RGS6: variants seen among roughly 807,000 people sequenced by gnomAD.
RGS6 encodes regulator of G protein signaling 6, also known as regulator of G-protein signaling 6.
In RGS6, 30 loss-of-function variants were observed where a neutral mutation model predicts 78.5. The ratio of observed to expected loss-of-function variants is 0.38; its 90% CI spans 0.29 to 0.52. The LOEUF (loss-of-function observed/expected upper bound fraction) is 0.52, where lower values mean the gene tolerates loss of function less well. Ranked by LOEUF, RGS6 falls within the 20% of genes least tolerant of loss-of-function variation. The pLI is 0.85. For synonymous variants in RGS6, 206 were observed against 206.0 expected (o/e 1.00, Z 0.00); for missense variants, 495 against 609.7 (o/e 0.81, Z 1.98).
At chr14:72,138,452 T>A in intron 2 of RGS6, among the ~76,000 whole-genome samples, 1 of 148,038 alleles carries the variant, frequency 6.8e-6, no homozygotes, top group South Asian at 2.2e-4. Context: ...TGTACCTGTT[T>A]TTTTTTTTTT....
chr14:72,580,231 A>G, the RGS6 span, among the ~76,000 whole-genome samples: 27 of 151,506 alleles, frequency 1.8e-4, no homozygotes, highest in African/African-American at 6.6e-4. Flanking sequence ...AGTTGCCAGC[A>G]TCCTAAATCT....
At chr14:72,593,028 C>T in the RGS6 span, among the ~76,000 whole-genome samples, 196 of 152,236 alleles carry the variant, frequency 1.3e-3, 3 homozygotes, top group Non-Finnish European at 5.1e-4. Flanking sequence ...GAGCAATCCT[C>T]AGCAAAGAAA....
chr14:72,350,656 G>T (rs1399254448), intron 2 of RGS6, among the ~76,000 whole-genome samples: 1 of 152,118 alleles, frequency 6.6e-6, no homozygotes, highest in Non-Finnish European at 1.5e-5. Flanking sequence ...CAATGAGTAG[G>T]GTTCCCTTGT....
chr14:72,539,613 CTG>C (rs2097294259), intron 16 of RGS6, among the ~76,000 whole-genome samples: 1 of 152,190 alleles, frequency 6.6e-6, no homozygotes, highest in African/African-American at 2.4e-5. Context: ...CCAGTCTGTT[CTG>C]TGTCAGGACT....
chr14:72,440,045 C>T (rs140340489), intron 3 of RGS6, among the ~76,000 whole-genome samples: 56 of 152,328 alleles, frequency 3.7e-4, no homozygotes, highest in South Asian at 2.1e-4. Context: ...TGTGGCATTT[C>T]GGGGCCCTGT....
chr14:72,071,326 G>T (rs1005278624), intron 2 of RGS6, among the ~76,000 whole-genome samples: 1 of 152,096 alleles, frequency 6.6e-6, no homozygotes, highest in African/African-American at 2.4e-5. Flanking sequence ...TCCAATTTTT[G>T]CTATTGGAGT....
chr14:72,392,347 C>T (rs545831829), intron 3 of RGS6, among the ~76,000 whole-genome samples: 5 of 152,120 alleles, frequency 3.3e-5, no homozygotes, highest in East Asian at 1.9e-4. Flanking sequence ...GATATGAAGT[C>T]GGGAGAGCAG....
intron 2 of RGS6, among the ~76,000 whole-genome samples, chr14:72,125,186 T>C (rs1274400588): frequency 6.6e-6 from 1 of 152,038 alleles, no homozygotes; most frequent in East Asian, 1.9e-4. Flanking sequence ...CAGGAAAGCA[T>C]GTGTTGTGTG....
At chr14:71,878,512 C>T in the RGS6 span, among the ~76,000 whole-genome samples, 8 of 152,334 alleles carry the variant, frequency 5.3e-5, no homozygotes, top group East Asian at 7.7e-4. Flanking sequence ...CCTGCTGTGC[C>T]GTTTGCTAAG....
chr14:71,916,627 G>A, the RGS6 span, among the ~76,000 whole-genome samples: 2 of 152,084 alleles, frequency 1.3e-5, no homozygotes, highest in East Asian at 1.9e-4. Context: ...CGCCGAGCCC[G>A]ACCCCATTCA....
intron 2 of RGS6, among the ~76,000 whole-genome samples, chr14:72,189,035 T>C (rs2097288898): frequency 6.6e-6 from 1 of 152,210 alleles, no homozygotes; most frequent in Non-Finnish European, 1.5e-5. Flanking sequence ...GATGGCCTAA[T>C]ACAGGTGTTA....
intron 2 of RGS6, among the ~76,000 whole-genome samples, chr14:72,210,837 T>A (rs1434685602): frequency 6.6e-6 from 1 of 152,146 alleles, no homozygotes; most frequent in Non-Finnish European, 1.5e-5. Context: ...TGTTTTTTTT[T>A]AAACCATCAT....
At chr14:72,452,921 AGGGAACTTATTCAGAGGATT>A (rs377114842) in intron 3 of RGS6, among the ~76,000 whole-genome samples, 3 of 152,322 alleles carry the variant, frequency 2.0e-5, no homozygotes, top group South Asian at 2.1e-4. Context: ...GGCAGACAGA[AGGGAACTTATTCAGAGGATT>A]GGGAACATAT....
intron 2 of RGS6, among the ~76,000 whole-genome samples, chr14:72,108,181 A>T (rs556414943): frequency 1.1e-4 from 17 of 152,184 alleles, no homozygotes; most frequent in African/African-American, 3.6e-4. Flanking sequence ...TCTCTACTTA[A>T]TGTTCATTTT....
the RGS6 span, among the ~76,000 whole-genome samples, chr14:71,882,250 A>G: frequency 6.6e-6 from 1 of 152,184 alleles, no homozygotes; most frequent in African/African-American, 2.4e-5. Flanking sequence ...CTAAAGTTTT[A>G]TCCGTGCTGT....
upstream of RGS6, among the ~76,000 whole-genome samples, chr14:71,927,841 G>A (rs1673680326): frequency 6.6e-6 from 1 of 151,724 alleles, no homozygotes. Flanking sequence ...TGTATTTTTA[G>A]TAGAGACGGG....
chr14:72,383,272 G>C (rs34883798), intron 3 of RGS6, among the ~76,000 whole-genome samples: 10,664 of 143,884 alleles, frequency 0.074, 607 homozygotes, highest in East Asian at 0.36. Flanking sequence ...GATTTTAAAG[G>C]AATATAAAAT....
intron 2 of RGS6, among the ~76,000 whole-genome samples, chr14:72,205,239 C>T (rs2042449175): frequency 6.6e-6 from 1 of 152,158 alleles, no homozygotes; most frequent in African/African-American, 2.4e-5. Flanking sequence ...ACATTCACCA[C>T]CAAGATACTA....
intron 2 of RGS6, among the ~76,000 whole-genome samples, chr14:72,270,282 T>C (rs78324277): frequency 0.029 from 4,043 of 141,018 alleles, 181 homozygotes; most frequent in African/African-American, 0.093. Flanking sequence ...CCCACAGTAT[T>C]GGTCTGCAGA....
Sources: gnomAD v4.1 joint callset for allele counts (sites outside exome capture counted in the v4.1 genomes callset) on GRCh38, gnomAD v4.1.1 for gene constraint, MANE v1.5 for transcripts, NCBI Gene and HGNC (gene_info 2026-07-23, HGNC 2026-07-21) for gene names.